The following PRR16 variants were observed in gnomAD, a reference collection of about 807,000 sequenced individuals.
The protein encoded by PRR16 is proline rich 16.
Under a neutral mutation model 18.2 loss-of-function variants are expected in PRR16, and 6 were observed. The observed-to-expected ratio is 0.33, with a 90% CI of 0.18 to 0.65. The LOEUF is 0.65. PRR16 is among the 30% of genes least tolerant of loss of function. PRR16 has a pLI of 0.74. For synonymous variants in PRR16, 151 were observed against 147.8 expected, an observed-to-expected ratio of 1.02 and a Z score of -0.16; for missense variants, 412 against 376.6, an observed-to-expected ratio of 1.09 and a Z score of -0.78.
chr5:120,656,255 A>G (rs184402391), intron 1 of PRR16, among the ~76,000 whole-genome samples: 1 of 152,052 alleles, frequency 6.6e-6, no homozygotes, highest in East Asian at 1.9e-4. Flanking sequence ...TCATGGAAGA[A>G]GTCAACTGAG....
At chr5:120,784,304 A>G in the PRR16 span, among the ~76,000 whole-genome samples, 2 of 152,150 alleles carry the variant, frequency 1.3e-5, no homozygotes, top group Non-Finnish European at 1.5e-5. Context: ...CATAATGGCT[A>G]TACCAATTTA....
At chr5:120,528,605 G>T (rs1751448075) in intron 1 of PRR16, among the ~76,000 whole-genome samples, 1 of 152,126 alleles carries the variant, frequency 6.6e-6, no homozygotes, top group Non-Finnish European at 1.5e-5. Context: ...GTGGCTTAGG[G>T]ATCCAGTGCA....
At chr5:120,670,201 C>A (rs760895586) in intron 1 of PRR16, among the ~76,000 whole-genome samples, 3 of 150,892 alleles carry the variant, frequency 2.0e-5, no homozygotes, top group Non-Finnish European at 4.4e-5. Flanking sequence ...TTTTGCCTTT[C>A]TCAGTACCAC....
chr5:120,715,816 G>T, the PRR16 span, among the ~76,000 whole-genome samples: 1 of 152,286 alleles, frequency 6.6e-6, no homozygotes, highest in Admixed American at 6.5e-5. Flanking sequence ...TGAAGAGTAA[G>T]TAGAAATAAT....
At chr5:120,617,319 G>C (rs1161533259) in intron 1 of PRR16, 1 of 296,100 alleles carries the variant, frequency 3.4e-6, no homozygotes, top group African/African-American at 2.3e-5. Flanking sequence ...TTAACAATCA[G>C]GTCTCTTTGA....
At chr5:120,622,052 A>G (rs1405894207) in intron 1 of PRR16, among the ~76,000 whole-genome samples, 1 of 151,912 alleles carries the variant, frequency 6.6e-6, no homozygotes, top group African/African-American at 2.4e-5. Flanking sequence ...CCACTCACAC[A>G]CTTAGTCTCT....
chr5:120,678,999 T>C (rs1390741160), intron 1 of PRR16, among the ~76,000 whole-genome samples: 3 of 152,180 alleles, frequency 2.0e-5, no homozygotes, highest in Non-Finnish European at 4.4e-5. Flanking sequence ...TGTGAAAATA[T>C]TGAGATTGAA....
At chr5:120,753,998 AT>A in the PRR16 span, among the ~76,000 whole-genome samples, 13,087 of 127,196 alleles carry the variant, frequency 0.1, 876 homozygotes, top group African/African-American at 0.18. Context: ...AACATATATA[AT>A]ATATATATTA....
At chr5:120,498,030 A>G (rs1156423356) in intron 1 of PRR16, among the ~76,000 whole-genome samples, 1 of 151,406 alleles carries the variant, frequency 6.6e-6, no homozygotes, top group Non-Finnish European at 1.5e-5. Context: ...TAATATAATT[A>G]TTAATATGTT....
the PRR16 span, among the ~76,000 whole-genome samples, chr5:120,697,650 C>A: frequency 6.6e-6 from 1 of 151,596 alleles, no homozygotes; most frequent in Non-Finnish European, 1.5e-5. Context: ...AGAGAGTCAG[C>A]GAAGGGAGAT....
intron 1 of PRR16, among the ~76,000 whole-genome samples, chr5:120,492,064 C>G (rs369452872): frequency 2.0e-4 from 30 of 150,324 alleles, no homozygotes; most frequent in East Asian, 1.9e-3. Context: ...CTTTGTTCAC[C>G]TTTACTGTTT....
At chr5:120,676,554 G>A (rs903377624) in intron 1 of PRR16, among the ~76,000 whole-genome samples, 1 of 151,108 alleles carries the variant, frequency 6.6e-6, no homozygotes, top group Non-Finnish European at 1.5e-5. Flanking sequence ...GTGTGCGTGT[G>A]TATATATGTA....
At chr5:120,587,622 A>G (rs1275405849) in intron 1 of PRR16, among the ~76,000 whole-genome samples, 1 of 152,222 alleles carries the variant, frequency 6.6e-6, no homozygotes, top group Non-Finnish European at 1.5e-5. Context: ...TGCATAAATT[A>G]AGACTACTGT....
chr5:120,671,156 G>C (rs1463124293), intron 1 of PRR16, among the ~76,000 whole-genome samples: 2 of 152,082 alleles, frequency 1.3e-5, no homozygotes, highest in Non-Finnish European at 2.9e-5. Context: ...TACATTGGAT[G>C]ATTTTGTATT....
At chr5:120,679,002 A>T (rs1321975745) in intron 1 of PRR16, among the ~76,000 whole-genome samples, 1 of 152,184 alleles carries the variant, frequency 6.6e-6, no homozygotes, top group Non-Finnish European at 1.5e-5. Flanking sequence ...GAAAATATTG[A>T]GATTGAAATA....
intron 1 of PRR16, among the ~76,000 whole-genome samples, chr5:120,506,069 T>G (rs893893394): frequency 1.3e-5 from 2 of 151,720 alleles, no homozygotes; most frequent in African/African-American, 4.8e-5. Flanking sequence ...AAACTTTTCT[T>G]GCCTTCAGAA....
At chr5:120,480,644 A>C (rs1016850637) in intron 1 of PRR16, among the ~76,000 whole-genome samples, 12 of 152,220 alleles carry the variant, frequency 7.9e-5, no homozygotes, top group African/African-American at 2.9e-4. Context: ...GCTTCTGATA[A>C]TGTGTCTGCA....
At chr5:120,667,895 A>G (rs1226952292) in intron 1 of PRR16, among the ~76,000 whole-genome samples, 5 of 152,066 alleles carry the variant, frequency 3.3e-5, no homozygotes, top group African/African-American at 1.2e-4. Flanking sequence ...GTTTTGGAAT[A>G]GGTGTGGTGT....
intron 1 of PRR16, among the ~76,000 whole-genome samples, chr5:120,643,644 C>T (rs1488292598): frequency 6.6e-6 from 1 of 152,000 alleles, no homozygotes; most frequent in African/African-American, 2.4e-5. Context: ...AGCAACAGGT[C>T]ATCTCCGTTC....
Sources: gnomAD v4.1 joint callset for allele counts (sites outside exome capture counted in the v4.1 genomes callset) on GRCh38, gnomAD v4.1.1 for gene constraint, MANE v1.5 for transcripts, NCBI Gene and HGNC (gene_info 2026-07-23, HGNC 2026-07-21) for gene names.